The following GSE1 variants were observed in gnomAD, a reference collection of about 807,000 sequenced individuals.
GSE1 encodes the protein Gse1 coiled-coil protein.
In GSE1, 32 loss-of-function variants were observed where a neutral mutation model predicts 112.6. The ratio of observed to expected loss-of-function variants is 0.28; its 90% CI spans 0.21 to 0.38. The LOEUF (loss-of-function observed/expected upper bound fraction) is 0.38, where lower values mean the gene tolerates loss of function less well. Ranked by LOEUF, GSE1 falls within the 10% of genes least tolerant of loss-of-function variation. The probability of loss-of-function intolerance (pLI) is 1.00; values close to 1 mark genes in which losing one functional copy is unlikely to be tolerated. For synonymous variants in GSE1, 1,115 were observed against 735.6 expected (o/e 1.52, Z -8.35); for missense variants, 2,348 against 1,699.2 (o/e 1.38, Z -6.71).
intron 2 of GSE1, among the ~76,000 whole-genome samples, chr16:85,511,734 C>T (rs1406790434): frequency 1.3e-5 from 2 of 152,092 alleles, no homozygotes; most frequent in African/African-American, 2.4e-5. Flanking sequence ...ATTTGAGACA[C>T]GCAGGGGCTG....
At chr16:85,478,910 T>TCCTTCCTTCCTTCCTTCCTTCCTTC (rs1491509090) in intron 2 of GSE1, among the ~76,000 whole-genome samples, 1 of 57,402 alleles carries the variant, frequency 1.7e-5, no homozygotes, top group African/African-American at 8.3e-5. Context: ...TTTCTTTCTT[T>TCCTTCCTTCCTTCCTTCCTTCCTTC]CTTTCTTTCT....
At chr16:85,670,017 CCT>C (rs1298352270) in intron 14 of GSE1, among the ~76,000 whole-genome samples, 1 of 152,218 alleles carries the variant, frequency 6.6e-6, no homozygotes, top group Non-Finnish European at 1.5e-5. Context: ...CCCAAAGAGT[CCT>C]GTTAGATTTT....
At chr16:85,449,141 C>G (rs1395991367) in intron 2 of GSE1, among the ~76,000 whole-genome samples, 2 of 152,172 alleles carry the variant, frequency 1.3e-5, no homozygotes, top group African/African-American at 4.8e-5. Flanking sequence ...CCGGGGTGCC[C>G]TGGGAGAACG....
intron 1 of GSE1, among the ~76,000 whole-genome samples, chr16:85,231,439 A>AATGGATGGATGGAAGGATGGATGGATGG (rs1904285689): frequency 1.4e-5 from 2 of 140,734 alleles, no homozygotes; most frequent in Admixed American, 1.4e-4. Flanking sequence ...TGGACAGATG[A>AATGGATGGATGGAAGGATGGATGGATGG]ATGGATGGAT....
At chr16:85,534,117 A>C (rs2044238941) in intron 2 of GSE1, among the ~76,000 whole-genome samples, 1 of 105,150 alleles carries the variant, frequency 9.5e-6, no homozygotes. Context: ...TAGTTTTTAA[A>C]TTTCTTCTTC....
intron 1 of GSE1, among the ~76,000 whole-genome samples, chr16:85,354,283 C>G (rs2046906999): frequency 6.6e-6 from 1 of 152,226 alleles, no homozygotes; most frequent in South Asian, 2.1e-4. Flanking sequence ...TGCTTCAGGT[C>G]AAACCCGTAT....
intron 3 of GSE1, among the ~76,000 whole-genome samples, chr16:85,654,074 C>G (rs536899344): frequency 2.8e-4 from 43 of 152,296 alleles, no homozygotes; most frequent in Non-Finnish European, 4.4e-4. Flanking sequence ...TCACCCCAGA[C>G]CTGTCGCAGC....
At chr16:85,626,140 A>G (rs1050339643) in intron 1 of GSE1, among the ~76,000 whole-genome samples, 19 of 150,458 alleles carry the variant, frequency 1.3e-4, no homozygotes, top group African/African-American at 3.7e-4. Flanking sequence ...TTTTATTTGG[A>G]AAAAAAAAAT....
At chr16:85,621,882 C>T (rs1456935890) in intron 1 of GSE1, among the ~76,000 whole-genome samples, 7 of 152,220 alleles carry the variant, frequency 4.6e-5, no homozygotes, top group African/African-American at 1.7e-4. Flanking sequence ...CCACCCCATA[C>T]TCCCCATGCA....
intron 2 of GSE1, among the ~76,000 whole-genome samples, chr16:85,647,829 T>C (rs8056654): frequency 0.24 from 36,340 of 151,964 alleles, 4,514 homozygotes; most frequent in Middle Eastern, 0.34. Flanking sequence ...TCGTGATCTG[T>C]CTGCCTCGGC....
intron 1 of GSE1, among the ~76,000 whole-genome samples, chr16:85,571,543 G>C (rs925921320): frequency 6.6e-6 from 1 of 152,184 alleles, no homozygotes; most frequent in Admixed American, 6.5e-5. Context: ...TCCTCGGAGC[G>C]ATACTGGCAC....
chr16:85,317,149 C>G, intron 1 of GSE1, among the ~76,000 whole-genome samples: 1 of 152,210 alleles, frequency 6.6e-6, no homozygotes, highest in East Asian at 1.9e-4. Context: ...ATGCCTGGCT[C>G]TGAAGATCAC....
At chr16:85,358,134 C>T (rs553845955) in intron 2 of GSE1, among the ~76,000 whole-genome samples, 7 of 152,244 alleles carry the variant, frequency 4.6e-5, no homozygotes, top group Admixed American at 1.3e-4. Flanking sequence ...CAGCCACAGG[C>T]GTGCTGTGGA....
upstream of GSE1, chr16:85,613,134 C>A: frequency 8.3e-7 from 1 of 1,211,528 alleles, no homozygotes; most frequent in Non-Finnish European, 1.1e-6. Context: ...GCGGCTGAAA[C>A]CCGACACCTC....
chr16:85,664,811 A>G (rs568619170), intron 11 of GSE1: 39 of 570,038 alleles, frequency 6.8e-5, no homozygotes, highest in African/African-American at 9.4e-5. Flanking sequence ...CGTCTAGGAC[A>G]TTGTGTAGTG....
chr16:85,657,568 C>A lies in GSE1; in HGVS notation c.1604C>A (p.Pro535Gln), dbSNP rs376882620. ...QHLDMGRPPV[P>Q]AEAEHRPEST... ...CTGGATATGGGCCGGCCCCCGGTGC[C>A]GGCGGAGGCAGAGCACAGGCCGGAG... Residue 535 changes from proline to glutamine, a missense_variant, in exon 8 of 16, where the codon CCG (proline) becomes CAG (glutamine). Coordinates refer to ENST00000253458, the MANE Select transcript of GSE1 (RefSeq NM_014615.5). The A allele has an allele frequency of 3.4e-5, 53 of 1,568,848 alleles. No individual in the cohort carries two copies. Among genetic ancestry groups the A allele is most frequent in the Non-Finnish European group, 4.1e-5 (48 of 1,157,374 alleles).
At chr16:85,545,934 C>A (rs867482607) in intron 2 of GSE1, among the ~76,000 whole-genome samples, 1 of 151,954 alleles carries the variant, frequency 6.6e-6, no homozygotes, top group Non-Finnish European at 1.5e-5. Context: ...AGGCGCCCGC[C>A]ACCACACTCG....
At chr16:85,635,465 CA>C (rs1182588641) in intron 2 of GSE1, among the ~76,000 whole-genome samples, 5 of 152,198 alleles carry the variant, frequency 3.3e-5, no homozygotes, top group South Asian at 2.1e-4. Context: ...CAAGATGGCT[CA>C]GGGGGAAGCA....
chr16:85,620,523 A>C (rs2048662327), intron 1 of GSE1, among the ~76,000 whole-genome samples: 1 of 152,278 alleles, frequency 6.6e-6, no homozygotes, highest in South Asian at 2.1e-4. Flanking sequence ...AAAAATTCTC[A>C]GCCAGATGGG....
Sources: allele counts gnomAD v4.1 joint callset (sites outside exome capture counted in the v4.1 genomes callset), GRCh38; gene constraint gnomAD v4.1.1; transcripts MANE v1.5; gene names NCBI Gene and HGNC (gene_info 2026-07-23, HGNC 2026-07-21).